NRG1: variants seen among roughly 807,000 people sequenced by gnomAD.
NRG1 encodes neuregulin 1, also known as pro-neuregulin-1, membrane-bound isoform.
NRG1 carries 18 observed loss-of-function variants against 63.8 expected under a neutral mutation model. That is an observed-to-expected ratio of 0.28 (90% CI 0.19 to 0.42). NRG1 has a LOEUF of 0.42. Ranked by LOEUF, NRG1 falls within the 10% of genes least tolerant of loss-of-function variation. The pLI, the probability that NRG1 is intolerant of heterozygous loss-of-function variation, is 1.00. For synonymous variants in NRG1, 302 were observed against 301.3 expected (o/e 1.00, Z -0.02); for missense variants, 762 against 814.7 (o/e 0.94, Z 0.79).
intron 1 of NRG1, among the ~76,000 whole-genome samples, chr8:32,219,670 A>G (rs949719332): frequency 6.6e-6 from 1 of 152,246 alleles, no homozygotes; most frequent in Non-Finnish European, 1.5e-5. Flanking sequence ...TCTAAATCTT[A>G]AAGAAACAGT....
intron 1 of NRG1, among the ~76,000 whole-genome samples, chr8:31,831,729 A>T (rs1339106437): frequency 6.6e-6 from 1 of 152,140 alleles, no homozygotes; most frequent in Non-Finnish European, 1.5e-5. Flanking sequence ...AGAAGAGGAT[A>T]GTTGATATTG....
chr8:32,043,231 T>C (rs1398996133), intron 1 of NRG1, among the ~76,000 whole-genome samples: 2 of 152,086 alleles, frequency 1.3e-5, no homozygotes, highest in Non-Finnish European at 2.9e-5. Context: ...AAAATCTATT[T>C]AAATAACTTC....
chr8:32,689,162 A>G (rs1011626887), intron 5 of NRG1, among the ~76,000 whole-genome samples: 1 of 152,238 alleles, frequency 6.6e-6, no homozygotes, highest in African/African-American at 2.4e-5. Context: ...TTGTGATCAA[A>G]TAGTAAAATT....
chr8:32,384,305 C>T (rs1412631746), intron 1 of NRG1, among the ~76,000 whole-genome samples: 1 of 152,138 alleles, frequency 6.6e-6, no homozygotes, highest in African/African-American at 2.4e-5. Flanking sequence ...AAGAGCAATA[C>T]TAACGACAAA....
intron 1 of NRG1, among the ~76,000 whole-genome samples, chr8:31,659,435 A>G (rs1805749940): frequency 6.6e-6 from 1 of 152,142 alleles, no homozygotes; most frequent in East Asian, 1.9e-4. Context: ...CCATGCGACA[A>G]GAGGTGATGC....
At chr8:32,496,170 G>C (rs960961062) in intron 1 of NRG1, among the ~76,000 whole-genome samples, 3 of 152,136 alleles carry the variant, frequency 2.0e-5, no homozygotes, top group Admixed American at 6.6e-5. Context: ...TTTCTCAGCA[G>C]GTTTCTTGGT....
intron 1 of NRG1, among the ~76,000 whole-genome samples, chr8:32,371,263 T>C (rs867337687): frequency 6.6e-6 from 1 of 152,154 alleles, no homozygotes; most frequent in Non-Finnish European, 1.5e-5. Flanking sequence ...AACAGGGAGA[T>C]TACTTGCACT....
chr8:32,317,547 T>G (rs1800910946), intron 1 of NRG1, among the ~76,000 whole-genome samples: 1 of 152,204 alleles, frequency 6.6e-6, no homozygotes, highest in South Asian at 2.1e-4. Context: ...TCATTGAGAT[T>G]TACTGCAGAG....
chr8:31,884,126 C>T (rs1181926678), intron 1 of NRG1, among the ~76,000 whole-genome samples: 11 of 151,952 alleles, frequency 7.2e-5, no homozygotes, highest in Admixed American at 1.3e-4. Context: ...AAAGTAATGA[C>T]GTGTTATCTT....
chr8:32,343,797 T>C (rs1262375444), intron 1 of NRG1, among the ~76,000 whole-genome samples: 5 of 152,234 alleles, frequency 3.3e-5, no homozygotes, highest in Non-Finnish European at 7.3e-5. Flanking sequence ...AAGACATTGT[T>C]TGTTGAAAAG....
intron 1 of NRG1, among the ~76,000 whole-genome samples, chr8:32,025,194 C>A (rs1318218274): frequency 6.6e-6 from 1 of 151,696 alleles, no homozygotes; most frequent in African/African-American, 2.4e-5. Flanking sequence ...TCTGACTTAC[C>A]ATCTGGTCAT....
intron 5 of NRG1, chr8:32,648,351 A>G (rs894247106): frequency 2.5e-6 from 4 of 1,614,008 alleles, no homozygotes; most frequent in Non-Finnish European, 2.5e-6. Flanking sequence ...GCCACAAACA[A>G]CAGAAACTAA....
At chr8:31,916,458 G>T (rs1833397600) in intron 1 of NRG1, among the ~76,000 whole-genome samples, 1 of 151,974 alleles carries the variant, frequency 6.6e-6, no homozygotes, top group African/African-American at 2.4e-5. Flanking sequence ...TGCGGTGTTT[G>T]GTTTTTTGTT....
At chr8:32,447,517 G>A (rs543786245) in intron 1 of NRG1, among the ~76,000 whole-genome samples, 1 of 152,196 alleles carries the variant, frequency 6.6e-6, no homozygotes, top group African/African-American at 2.4e-5. Context: ...AATAGCAAGA[G>A]ACATGTTTTA....
At chr8:31,847,257 G>A (rs901750177) in intron 1 of NRG1, among the ~76,000 whole-genome samples, 1 of 152,056 alleles carries the variant, frequency 6.6e-6, no homozygotes, top group Admixed American at 6.6e-5. Context: ...CCATCTATGG[G>A]ACCCATTCCA....
At chr8:32,713,772 T>G (rs1458174239) in intron 5 of NRG1, among the ~76,000 whole-genome samples, 1 of 147,634 alleles carries the variant, frequency 6.8e-6, no homozygotes, top group East Asian at 1.9e-4. Flanking sequence ...ATTTATATAA[T>G]TAAAATCTTA....
At chr8:31,796,912 A>G (rs953822416) in intron 1 of NRG1, among the ~76,000 whole-genome samples, 5 of 152,152 alleles carry the variant, frequency 3.3e-5, no homozygotes, top group African/African-American at 1.2e-4. Context: ...GCACAGAATC[A>G]ACAGTATTCC....
chr8:32,345,877 AC>A (rs1437533084), intron 1 of NRG1, among the ~76,000 whole-genome samples: 1 of 151,830 alleles, frequency 6.6e-6, no homozygotes, highest in Non-Finnish European at 1.5e-5. Flanking sequence ...GCATGGTGGC[AC>A]GTGCCTGTAA....
chr8:32,358,705 G>A (rs577528775), intron 1 of NRG1, among the ~76,000 whole-genome samples: 49 of 152,244 alleles, frequency 3.2e-4, no homozygotes, highest in African/African-American at 1.1e-3. Flanking sequence ...GAAGGCTAGA[G>A]CAGAGAAAGA....
Sources: allele counts gnomAD v4.1 joint callset (sites outside exome capture counted in the v4.1 genomes callset), GRCh38; gene constraint gnomAD v4.1.1; transcripts MANE v1.5; gene names NCBI Gene and HGNC (gene_info 2026-07-23, HGNC 2026-07-21).